Variants in CBR3 observed in about 807,000 individuals in gnomAD.
The protein encoded by CBR3 is carbonyl reductase 3, also known as carbonyl reductase [NADPH] 3.
In CBR3, 14 loss-of-function variants were observed where a neutral mutation model predicts 11.6. The ratio of observed to expected loss-of-function variants is 1.20; its 90% CI spans 0.79 to 1.88. The LOEUF is 1.88. Ranked by LOEUF, CBR3 falls within the 40% of genes most tolerant of loss-of-function variation. The probability of loss-of-function intolerance (pLI) is 0.00; values close to 1 mark genes in which losing one functional copy is unlikely to be tolerated. For missense variants in CBR3, 308 were observed against 357.3 expected (o/e 0.86, Z 1.11); for synonymous variants, 125 against 145.6 (o/e 0.86, Z 1.02).
chr21:36,135,473 C>T lies in CBR3; in HGVS notation c.281C>T (p.Ala94Val). The change falls in exon 1 of 3, where the codon GCC (alanine) becomes GTC (valine). Residue 94 changes from alanine (A) to valine (V), a missense_variant. Transcript: ENST00000290354. ...GTACTGGTCAACAACGCGGCCGTCG[C>T]CTTCAAGAGTAGGTGCAGGGCTTGG... ...LNVLVNNAAV[A>V]FKSDDPMPFD... 6.2e-7 allele frequency: 1 copy of T among 1,609,752 alleles called. No individual in the cohort carries two copies. Among genetic ancestry groups the T allele is most frequent in the Non-Finnish European group, 8.5e-7 (1 of 1,177,330 alleles).
rs2065718453 is a variant in CBR3, at chr21:36,142,432, A to AAAAAAAAACAAAC, written c.398-3636_398-3635insCAAACAAAAAAAA. ...AGGTGACAGAGCGAGACTCCATCTCAAAAAAAAAAAAAAAAACGCAATCCA... is the reference window on the plus strand; with the variant it reads ...AGGTGACAGAGCGAGACTCCATCTCAAAAAAAAACAAACAAAAAAAAAAAAAAAACGCAATCCA... On this transcript the variant is annotated intron_variant, in intron 2 of 2. Coordinates refer to ENST00000290354, the MANE Select transcript of CBR3 (RefSeq NM_001236.4). 1.8e-5 allele frequency among the ~76,000 whole-genome samples: 2 copies of AAAAAAAAACAAAC among 112,016 alleles called. 1 individual carries two copies. The highest frequency in any genetic ancestry group is 3.9e-5 in the Non-Finnish European group (2 of 51,202). 73.5% of individuals were successfully genotyped at this position (112,016 alleles called of 152,430 possible).
chr21:36,135,657 C>A, intron 1 of CBR3, 176 bp downstream of exon 1: 1 of 626,454 alleles, frequency 1.6e-6, no homozygotes, highest in Middle Eastern at 4.6e-4. Context: ...ATTCGCTGAG[C>A]CCCAGGCGGG....
chr21:36,146,543 A>G lies in CBR3; in HGVS notation c.*31A>G, dbSNP rs753848736. 8 of 1,525,652 alleles carry G rather than the reference A, an allele frequency of 5.2e-6. No individual in the cohort carries two copies. The highest frequency in any genetic ancestry group is 7.1e-6 in the Non-Finnish European group (8 of 1,127,206). The allele number at this position is 1,525,652 out of a possible 1,614,324, so 94.5% of individuals were successfully genotyped here. On this transcript the variant is annotated 3_prime_UTR_variant, in exon 3 of 3. Transcript: ENST00000290354. ...TGCTTCGGAGCTTGCTGCTTAATAA[A>G]TGTTGGTGGAATGAATGAATGAATT...
intron 1 of CBR3, among the ~76,000 whole-genome samples, chr21:36,136,688 A>G (rs1420572755): frequency 1.3e-5 from 2 of 152,156 alleles, no homozygotes; most frequent in Non-Finnish European, 2.9e-5. Context: ...CTGGGCGCTC[A>G]TGGCAAGGCA....
chr21:36,141,539 G>A (rs1447238333), intron 2 of CBR3: 1 of 152,246 alleles, frequency 6.6e-6, no homozygotes, highest in Non-Finnish European at 1.5e-5. Context: ...TAAGTCCTAA[G>A]TGGAACCATC....
intron 2 of CBR3, among the ~76,000 whole-genome samples, chr21:36,142,446 A>AAAAAAAAAAAAAAAAAAAC (rs2065720249): frequency 6.6e-6 from 1 of 150,626 alleles, no homozygotes; most frequent in African/African-American, 2.4e-5. Context: ...AAAAAAAAAA[A>AAAAAAAAAAAAAAAAAAAC]AACGCAATCC....
intron 2 of CBR3, 122 bp from the exon 3 acceptor site, chr21:36,145,954 C>T (rs1295663751): frequency 5.8e-6 from 4 of 684,820 alleles, no homozygotes; most frequent in African/African-American, 2.1e-5. Flanking sequence ...GGGCGAGACT[C>T]TGTCTCAAAA....
intron 1 of CBR3, among the ~76,000 whole-genome samples, chr21:36,136,135 A>G (rs1330725525): frequency 6.6e-6 from 1 of 152,012 alleles, no homozygotes; most frequent in Non-Finnish European, 1.5e-5. Context: ...GGGGATCAAG[A>G]GATTGCTTAT....
intron 1 of CBR3, among the ~76,000 whole-genome samples, chr21:36,137,547 GA>G (rs2065670805): frequency 1.0e-5 from 1 of 97,094 alleles, no homozygotes; most frequent in Admixed American, 9.6e-5. Flanking sequence ...AGGAAGGAAG[GA>G]AGGAAGGAAG....
chr21:36,136,151 C>G (rs1331411719), intron 1 of CBR3, among the ~76,000 whole-genome samples: 1 of 152,044 alleles, frequency 6.6e-6, no homozygotes, highest in Non-Finnish European at 1.5e-5. Context: ...CTTATTCTAA[C>G]TACTACTGAA....
chr21:36,136,299 A>G (rs45542038), intron 1 of CBR3, among the ~76,000 whole-genome samples: 335 of 96,894 alleles, frequency 3.5e-3, no homozygotes, highest in Middle Eastern at 0.015. Flanking sequence ...ACAGAGCGAG[A>G]CTCCGTATGA....
intron 2 of CBR3, 106 bp from the exon 3 acceptor site, chr21:36,145,970 A>AC (rs11384863): frequency 3.2e-5 from 25 of 793,208 alleles, no homozygotes; most frequent in Non-Finnish European, 1.7e-5. Context: ...CAAAAAAAAA[A>AC]AAAAAAAAAA....
At chr21:36,145,622 AAGCCACAGCATCC>A (rs1443217753) in intron 2 of CBR3, among the ~76,000 whole-genome samples, 2 of 152,002 alleles carry the variant, frequency 1.3e-5, no homozygotes, top group African/African-American at 4.8e-5. Context: ...TTACAGATAT[AAGCCACAGCATCC>A]AGCCACTTTT....
Position 36,137,792 on chromosome 21 carries a change from G to T in CBR3, c.290-33G>T. On this transcript the variant is annotated intron_variant, in intron 1 of 2. Transcript: ENST00000290354. ...ATGTGAGTTTCAGGGGGAAAAATAT[G>T]ACTTTCTTTTTGTTTCTTTCTCTTT... 2.4e-6 allele frequency: 3 copies of T among 1,258,586 alleles called. No homozygotes were observed. The South Asian group carries it at 3.6e-5, about 15-fold the overall frequency. The allele number at this position is 1,258,586 out of a possible 1,614,324, so 78.0% of individuals were successfully genotyped here. A position where few individuals can be genotyped will look rare whatever the true frequency, so the allele number is the denominator to read the frequency against.
rs978676168 is a variant in CBR3, at chr21:36,141,935, C to T, written c.397+4003C>T. ...TTAATTCCTTGTAGCCGCCAAGTTTCTGAGAACAAAGCTGTTTAGAAAGCA... is the reference window on the plus strand; with the variant it reads ...TTAATTCCTTGTAGCCGCCAAGTTTTTGAGAACAAAGCTGTTTAGAAAGCA... On this transcript the variant is annotated intron_variant, in intron 2 of 2. Coordinates refer to ENST00000290354, the MANE Select transcript of CBR3 (RefSeq NM_001236.4). 3 of 984,344 alleles carry T rather than the reference C, an allele frequency of 3.0e-6. No individual in the cohort carries two copies. In the African/African-American group the frequency reaches 5.2e-5, roughly 17 times the overall value. 61.0% of individuals were successfully genotyped at this position (984,344 alleles called of 1,614,324 possible). A position where few individuals can be genotyped will look rare whatever the true frequency, so the allele number is the denominator to read the frequency against.
At chr21:36,135,604 C>A in intron 1 of CBR3, 123 bp downstream of exon 1, 1 of 920,878 alleles carries the variant, frequency 1.1e-6, no homozygotes, top group Non-Finnish European at 1.6e-6. Flanking sequence ...CCTAGGGATG[C>A]GCTCAGCCCA....
chr21:36,139,391 T>C (rs1396571502), intron 2 of CBR3, among the ~76,000 whole-genome samples: 3 of 149,592 alleles, frequency 2.0e-5, no homozygotes, highest in African/African-American at 5.0e-5. Context: ...TCTTTTTTTT[T>C]TTTTTTTTTT....
chr21:36,142,441 A>AAAAAAAAAAAAAAAAAAAAAAAC (rs926876949), intron 2 of CBR3, among the ~76,000 whole-genome samples: 1 of 149,640 alleles, frequency 6.7e-6, no homozygotes, highest in African/African-American at 2.5e-5. Flanking sequence ...CAAAAAAAAA[A>AAAAAAAAAAAAAAAAAAAAAAAC]AAAAAAACGC....
At chr21:36,145,642 T>C (rs953155468) in intron 2 of CBR3, among the ~76,000 whole-genome samples, 4 of 151,590 alleles carry the variant, frequency 2.6e-5, no homozygotes, top group Non-Finnish European at 5.9e-5. Context: ...ATCCAGCCAC[T>C]TTTTTGTTTT....
Sources: allele counts gnomAD v4.1 joint callset (sites outside exome capture counted in the v4.1 genomes callset), GRCh38; gene constraint gnomAD v4.1.1; transcripts MANE v1.5; gene names NCBI Gene and HGNC (gene_info 2026-07-23, HGNC 2026-07-21).